Variants in CFAP92 observed in about 807,000 individuals in gnomAD.
The protein encoded by CFAP92 is uncharacterized protein CFAP92.
Under a neutral mutation model 106.3 loss-of-function variants are expected in CFAP92, and 86 were observed. That is an observed-to-expected ratio of 0.81 (90% CI 0.68 to 0.97). CFAP92 has a LOEUF of 0.97. Among genes scored for constraint, CFAP92 ranks in the 50% least tolerant of loss-of-function variants. The pLI, the probability that CFAP92 is intolerant of heterozygous loss-of-function variation, is 0.00. For synonymous variants in CFAP92, 477 were observed against 506.4 expected (o/e 0.94, Z 0.78); for missense variants, 1,204 against 1,283.8 (o/e 0.94, Z 0.95).
chr3:128,924,050 G>A (rs568946942), intron 12 of CFAP92, among the ~76,000 whole-genome samples: 1 of 152,290 alleles, frequency 6.6e-6, no homozygotes, highest in African/African-American at 2.4e-5. Flanking sequence ...AAGCCACCTC[G>A]GGAGAGACAG....
chr3:128,958,825 C>G (rs1318925876), intron 9 of CFAP92, among the ~76,000 whole-genome samples: 1 of 152,072 alleles, frequency 6.6e-6, no homozygotes, highest in African/African-American at 2.4e-5. Context: ...CACCTGAGCC[C>G]AGGAGGTTGA....
intron 2 of CFAP92, 48 bp downstream of exon 2, chr3:128,992,995 T>C: frequency 6.2e-7 from 1 of 1,605,268 alleles, no homozygotes; most frequent in Non-Finnish European, 8.5e-7. Context: ...CAGAAAGTCA[T>C]GCACCTCCTT....
intron 11 of CFAP92, among the ~76,000 whole-genome samples, chr3:128,933,537 G>A (rs1488971659): frequency 6.6e-6 from 1 of 152,186 alleles, no homozygotes; most frequent in East Asian, 1.9e-4. Context: ...ATGGCTGTTG[G>A]CGGCTCACTG....
At position 128,953,600 on chromosome 3, in the gene CFAP92, CCCCTCT is replaced by C. The variant is rs1257648783; in HGVS notation, c.1354-7631_1354-7626del. ...CTCCCTCTCCCTCTCCCTCTCCCTC[CCCCTCT>C]CCCTCTCCCTCTCCCTCCCTCTCCG... is the stretch of plus-strand genomic sequence containing the variant. On this transcript the variant is annotated intron_variant, in intron 9 of 15. Coordinates refer to ENST00000645291, the MANE Select transcript of CFAP92 (RefSeq NM_001394090.1). Among the ~76,000 whole-genome samples, 138 of 93,654 alleles carry C rather than the reference CCCCTCT, an allele frequency of 1.5e-3. 1 individual carries two copies. Among genetic ancestry groups the C allele is most frequent in the East Asian group, 2.9e-3 (11 of 3,846 alleles). The allele number at this position is 93,654 out of a possible 152,430, so 61.4% of individuals were successfully genotyped here.
upstream of CFAP92, among the ~76,000 whole-genome samples, chr3:129,007,503 T>G (rs1945125374): frequency 6.6e-6 from 1 of 152,142 alleles, no homozygotes; most frequent in Non-Finnish European, 1.5e-5. Context: ...TTGAAGCCAT[T>G]TGGTTAGAAT....
intron 9 of CFAP92, among the ~76,000 whole-genome samples, chr3:128,963,017 A>G (rs1296476568): frequency 6.6e-6 from 1 of 152,094 alleles, no homozygotes; most frequent in African/African-American, 2.4e-5. Flanking sequence ...ACTTAGACTG[A>G]CCCTGACACC....
At chr3:128,966,562 CTTTT>C (rs1320123047) in intron 8 of CFAP92, 8 of 131,086 alleles carry the variant, frequency 6.1e-5, no homozygotes, top group African/African-American at 2.4e-4. Flanking sequence ...TGTCAGAATG[CTTTT>C]TCTTTTTTTT....
At chr3:128,937,559 G>A (rs1449385686) in intron 10 of CFAP92, among the ~76,000 whole-genome samples, 2 of 151,494 alleles carry the variant, frequency 1.3e-5, no homozygotes, top group South Asian at 2.1e-4. Context: ...AGCTGAGATC[G>A]CACCACAGCA....
At position 128,915,341 on chromosome 3, in the gene CFAP92, G is replaced by T; in HGVS notation, c.3123+16C>A. Reference sequence around the variant, plus strand: ...CTATGGACACCCCACCTGAGACCCTGCTCTTCCCTGTGGACCTCATTCAGC... The same window carrying T: ...CTATGGACACCCCACCTGAGACCCTTCTCTTCCCTGTGGACCTCATTCAGC... On this transcript the variant is annotated intron_variant, in intron 14 of 15. Transcript: ENST00000645291. The T allele has an allele frequency of 6.5e-7, 1 of 1,536,092 alleles. No homozygotes were observed. The highest frequency in any genetic ancestry group is 8.7e-7 in the Non-Finnish European group (1 of 1,146,862).
intron 4 of CFAP92, among the ~76,000 whole-genome samples, chr3:128,979,991 GA>G (rs1943425858): frequency 6.9e-6 from 1 of 144,232 alleles, no homozygotes; most frequent in Non-Finnish European, 1.5e-5. Context: ...AAGAGAAAAA[GA>G]AAGAAAGGAG....
intron 12 of CFAP92, among the ~76,000 whole-genome samples, chr3:128,924,460 T>A (rs1937528842): frequency 9.8e-6 from 1 of 101,998 alleles, no homozygotes; most frequent in African/African-American, 4.0e-5. Flanking sequence ...TTTTTTTTTT[T>A]TGAGACAGAG....
At chr3:128,947,498 C>G (rs146926082) in intron 9 of CFAP92, among the ~76,000 whole-genome samples, 225 of 152,290 alleles carry the variant, frequency 1.5e-3, no homozygotes, top group Admixed American at 6.2e-3. Context: ...TTACGACTTA[C>G]TACAAAGCTA....
At chr3:129,020,831 G>C in the CFAP92 span, among the ~76,000 whole-genome samples, 6 of 152,124 alleles carry the variant, frequency 3.9e-5, no homozygotes, top group Non-Finnish European at 5.9e-5. Flanking sequence ...ACTTGCAGAC[G>C]GGAACCCTGG....
intron 10 of CFAP92, among the ~76,000 whole-genome samples, chr3:128,941,371 T>C (rs1024961297): frequency 4.0e-5 from 6 of 148,636 alleles, no homozygotes; most frequent in African/African-American, 1.6e-4. Flanking sequence ...CTGCAACAAC[T>C]ATAGTTATGT....
chr3:128,934,960 C>T (rs540219099), intron 11 of CFAP92, among the ~76,000 whole-genome samples, 165 bp downstream of exon 11: 12 of 152,350 alleles, frequency 7.9e-5, no homozygotes, highest in Admixed American at 5.2e-4. Context: ...GAACAGTAGA[C>T]GCCACAGAGT....
At chr3:128,975,997 A>AT (rs1943133243) in intron 6 of CFAP92, 94 bp from the exon 7 acceptor site, 3 of 1,324,450 alleles carry the variant, frequency 2.3e-6, no homozygotes, top group Admixed American at 2.9e-5. Context: ...ATGAGAGCAG[A>AT]TTTTTTAAAA....
intron 8 of CFAP92, 69 bp from the exon 9 acceptor site, chr3:128,965,764 G>A: frequency 2.5e-6 from 1 of 396,076 alleles, no homozygotes; most frequent in Non-Finnish European, 4.4e-6. Context: ...GAGGGATCAA[G>A]CAACCTGAGA....
At chr3:128,983,382 A>G (rs1943648736) in intron 4 of CFAP92, among the ~76,000 whole-genome samples, 1 of 152,174 alleles carries the variant, frequency 6.6e-6, no homozygotes, top group South Asian at 2.1e-4. Context: ...GGGCAGTAAC[A>G]TTCCCCATCT....
At chr3:129,006,747 G>C (rs566437719), upstream of CFAP92, among the ~76,000 whole-genome samples, 27 of 152,282 alleles carry the variant, frequency 1.8e-4, no homozygotes, top group Admixed American at 7.8e-4. Flanking sequence ...CGGTGATTAG[G>C]CAGATGGCTG....
Sources: gnomAD v4.1 joint callset for allele counts (sites outside exome capture counted in the v4.1 genomes callset) on GRCh38, gnomAD v4.1.1 for gene constraint, MANE v1.5 for transcripts, NCBI Gene and HGNC (gene_info 2026-07-23, HGNC 2026-07-21) for gene names.